Variants in CTNNA3 observed in about 807,000 individuals in gnomAD.
The protein encoded by CTNNA3 is catenin alpha-3.
Under a neutral mutation model 95.7 loss-of-function variants are expected in CTNNA3, and 76 were observed. The ratio of observed to expected loss-of-function variants is 0.79; its 90% CI spans 0.66 to 0.96. The LOEUF is 0.96. CTNNA3 is among the 40% of genes least tolerant of loss of function. The pLI is 0.00. For missense variants in CTNNA3, 1,191 were observed against 1,089.8 expected, an observed-to-expected ratio of 1.09 and a Z score of -1.31; for synonymous variants, 431 against 374.4, an observed-to-expected ratio of 1.15 and a Z score of -1.74.
chr10:67,093,453 G>T (rs1857781416), intron 7 of CTNNA3, among the ~76,000 whole-genome samples: 1 of 151,612 alleles, frequency 6.6e-6, no homozygotes, highest in African/African-American at 2.4e-5. Context: ...ATAGAGAGAG[G>T]TTACTGTGAA....
chr10:67,728,024 T>G (rs1475263275), intron 1 of CTNNA3, among the ~76,000 whole-genome samples: 1 of 140,664 alleles, frequency 7.1e-6, no homozygotes, highest in Non-Finnish European at 1.5e-5. Flanking sequence ...TATCATATAT[T>G]ATATATGATA....
At chr10:67,015,121 C>T (rs1271664353) in intron 7 of CTNNA3, among the ~76,000 whole-genome samples, 1 of 152,078 alleles carries the variant, frequency 6.6e-6, no homozygotes, top group Admixed American at 6.6e-5. Context: ...GCTATTAACC[C>T]CATGCTATGT....
At chr10:67,554,661 G>C (rs1841167387) in intron 3 of CTNNA3, among the ~76,000 whole-genome samples, 1 of 152,092 alleles carries the variant, frequency 6.6e-6, no homozygotes, top group Non-Finnish European at 1.5e-5. Context: ...TTAGCCTTTT[G>C]TCAGATGGGT....
At chr10:66,256,091 G>A (rs1225671177) in intron 13 of CTNNA3, among the ~76,000 whole-genome samples, 1 of 152,196 alleles carries the variant, frequency 6.6e-6, no homozygotes, top group African/African-American at 2.4e-5. Flanking sequence ...AGAGGCAGGG[G>A]CAGGTGAGAT....
intron 15 of CTNNA3, among the ~76,000 whole-genome samples, chr10:66,036,850 A>G (rs183255889): frequency 5.1e-4 from 76 of 147,972 alleles, no homozygotes; most frequent in Admixed American, 5.0e-3. Context: ...TAAAATTTAT[A>G]TAGTAGTTCC....
chr10:66,317,256 CA>C (rs2092114304), intron 12 of CTNNA3, among the ~76,000 whole-genome samples: 1 of 152,086 alleles, frequency 6.6e-6, no homozygotes, highest in Non-Finnish European at 1.5e-5. Context: ...ATGGCCAGCA[CA>C]TGCCTTTGAA....
rs75117290 is a variant in CTNNA3, at chr10:67,453,790, G to A, written c.579+68052C>T. 0.026 allele frequency among the ~76,000 whole-genome samples: 4,032 copies of A among 152,166 alleles called. 388 individuals carry two copies. The East Asian group carries it at 0.34, about 13-fold the overall frequency. ...GGCTGTCAAAACAAAATTGTAAACC[G>A]TATTATGTAGAGTTTCCTTTTGTTA... On this transcript the variant is annotated intron_variant, in intron 5 of 17. Coordinates refer to ENST00000433211, the MANE Select transcript of CTNNA3 (RefSeq NM_013266.4).
intron 3 of CTNNA3, among the ~76,000 whole-genome samples, chr10:67,563,685 T>C (rs1176489042): frequency 6.6e-6 from 1 of 152,068 alleles, no homozygotes; most frequent in African/African-American, 2.4e-5. Context: ...CAAAAGAAAC[T>C]ACCATCAGAG....
intron 7 of CTNNA3, among the ~76,000 whole-genome samples, chr10:66,992,645 A>G (rs554268111): frequency 1.3e-5 from 2 of 152,210 alleles, no homozygotes; most frequent in South Asian, 4.1e-4. Flanking sequence ...AGGGTTATAG[A>G]ACTATTTTCT....
chr10:65,957,718 C>T (rs1005967507), intron 17 of CTNNA3, among the ~76,000 whole-genome samples: 2 of 152,034 alleles, frequency 1.3e-5, no homozygotes, highest in African/African-American at 2.4e-5. Flanking sequence ...AATATTGGCC[C>T]TCTCTTCTGG....
intron 7 of CTNNA3, among the ~76,000 whole-genome samples, chr10:66,811,491 C>A (rs757063333): frequency 6.6e-6 from 1 of 152,160 alleles, no homozygotes. Context: ...CACTATAATT[C>A]TTTAGCTTCC....
intron 5 of CTNNA3, among the ~76,000 whole-genome samples, chr10:67,403,036 T>C (rs1172338513): frequency 1.3e-5 from 2 of 152,170 alleles, no homozygotes; most frequent in East Asian, 1.9e-4. Flanking sequence ...CTGCCTGAGA[T>C]GGAATGGAGC....
At chr10:67,280,714 G>C (rs1475194562) in intron 5 of CTNNA3, among the ~76,000 whole-genome samples, 1 of 152,030 alleles carries the variant, frequency 6.6e-6, no homozygotes, top group Non-Finnish European at 1.5e-5. Context: ...ACCCTGTGCA[G>C]GTTCCCTTAT....
chr10:67,293,615 C>T (rs761436167), intron 5 of CTNNA3, among the ~76,000 whole-genome samples: 46 of 151,884 alleles, frequency 3.0e-4, no homozygotes, highest in South Asian at 1.5e-3. Context: ...GTGCTGCACC[C>T]ATTAACTCGT....
intron 9 of CTNNA3, among the ~76,000 whole-genome samples, chr10:66,738,033 T>C (rs753024926): frequency 6.6e-6 from 1 of 152,218 alleles, no homozygotes; most frequent in Non-Finnish European, 1.5e-5. Context: ...ATTTTAAAAA[T>C]CTAACAGTAT....
chr10:67,051,514 C>A (rs1297428709), intron 7 of CTNNA3, among the ~76,000 whole-genome samples: 3 of 148,682 alleles, frequency 2.0e-5, no homozygotes, highest in Non-Finnish European at 4.4e-5. Context: ...GGCTGGAGTG[C>A]AGTGGTGCAA....
chr10:67,366,993 A>G (rs1843242094), intron 5 of CTNNA3, among the ~76,000 whole-genome samples: 1 of 152,232 alleles, frequency 6.6e-6, no homozygotes, highest in African/African-American at 2.4e-5. Flanking sequence ...AAAATATTCT[A>G]GAAGAAAAGC....
At chr10:67,745,717 T>C (rs762760082) in intron 1 of CTNNA3, among the ~76,000 whole-genome samples, 2 of 151,998 alleles carry the variant, frequency 1.3e-5, no homozygotes, top group Non-Finnish European at 2.9e-5. Flanking sequence ...TGACAATAAA[T>C]TCAGTAAAGC....
intron 10 of CTNNA3, among the ~76,000 whole-genome samples, chr10:66,572,576 A>AG (rs1166816565): frequency 1.3e-5 from 2 of 151,946 alleles, no homozygotes; most frequent in African/African-American, 4.8e-5. Flanking sequence ...AAAAAAAAAA[A>AG]CAAAACATGA....
Sources: allele counts gnomAD v4.1 joint callset (sites outside exome capture counted in the v4.1 genomes callset), GRCh38; gene constraint gnomAD v4.1.1; transcripts MANE v1.5; gene names NCBI Gene and HGNC (gene_info 2026-07-23, HGNC 2026-07-21).